USH2A: variants seen among roughly 807,000 people sequenced by gnomAD.
USH2A encodes the protein usherin.
Under a neutral mutation model 538.9 loss-of-function variants are expected in USH2A, and 443 were observed. The observed-to-expected ratio is 0.82, with a 90% CI of 0.76 to 0.89. The LOEUF is 0.89. USH2A is among the 40% of genes least tolerant of loss of function. The probability of loss-of-function intolerance (pLI) is 0.00; values close to 1 mark genes in which losing one functional copy is unlikely to be tolerated. For missense variants in USH2A, 6,633 were observed against 6,324.8 expected, an observed-to-expected ratio of 1.05 and a Z score of -1.65; for synonymous variants, 2,413 against 2,273.5, an observed-to-expected ratio of 1.06 and a Z score of -1.75.
rs1215418294 is a variant in USH2A, at chr1:215,622,906, A to ATATT, written c.*2871_*2874dup. 1 of 152,162 alleles carries ATATT rather than the reference A, an allele frequency of 6.6e-6. No homozygotes were observed. Among genetic ancestry groups the ATATT allele is most frequent in the Non-Finnish European group, 1.5e-5 (1 of 68,006 alleles). The allele number at this position is 152,162 out of a possible 1,614,324, so 9.4% of individuals were successfully genotyped here. On this transcript the variant is annotated 3_prime_UTR_variant, in exon 72 of 72. Transcript: ENST00000307340. ...TAAGCCAGAATTAGGTCACATTCAAATATTTATTAAGCAAACCATCTTTAG... is the reference window on the plus strand; with the variant it reads ...TAAGCCAGAATTAGGTCACATTCAAATATTTATTTATTAAGCAAACCATCTTTAG...
At chr1:215,737,160 G>A (rs76196514) in intron 60 of USH2A, among the ~76,000 whole-genome samples, 1,927 of 151,878 alleles carry the variant, frequency 0.013, 69 homozygotes, top group Admixed American at 0.06. Context: ...ATGTGTGTGG[G>A]CATATATATA....
intron 47 of USH2A, 56 bp from the exon 48 acceptor site, chr1:215,817,251 T>C: frequency 6.4e-7 from 1 of 1,551,716 alleles, no homozygotes; most frequent in East Asian, 2.3e-5. Context: ...ACATTGATGC[T>C]ATCAGTCTTA....
intron 49 of USH2A, among the ~76,000 whole-genome samples, chr1:215,801,687 A>T (rs1336665887): frequency 6.6e-6 from 1 of 152,164 alleles, no homozygotes; most frequent in African/African-American, 2.4e-5. Context: ...AATGTTGTTA[A>T]GGTGCCAGTA....
At chr1:216,066,330 G>A (rs552193123) in intron 30 of USH2A, among the ~76,000 whole-genome samples, 30 of 152,144 alleles carry the variant, frequency 2.0e-4, no homozygotes, top group Non-Finnish European at 3.8e-4. Context: ...AAATTACCCG[G>A]GCGTGGAGGT....
At chr1:215,753,993 AG>A (rs1162993368) in intron 58 of USH2A, among the ~76,000 whole-genome samples, 1 of 152,216 alleles carries the variant, frequency 6.6e-6, no homozygotes. Flanking sequence ...AGCCAAAGAC[AG>A]AAAGGAACTG....
intron 3 of USH2A, among the ~76,000 whole-genome samples, chr1:216,412,297 G>A (rs1039582830): frequency 3.3e-5 from 5 of 151,980 alleles, no homozygotes; most frequent in Non-Finnish European, 7.4e-5. Context: ...TGCAAAAAAC[G>A]TACAGAGAAT....
chr1:215,733,982 G>T (rs374740256), intron 60 of USH2A, among the ~76,000 whole-genome samples: 1 of 152,144 alleles, frequency 6.6e-6, no homozygotes, highest in African/African-American at 2.4e-5. Context: ...AACAGACAGC[G>T]CCCTGATGGA....
intron 35 of USH2A, among the ~76,000 whole-genome samples, chr1:215,988,983 A>T (rs1364468424): frequency 2.0e-5 from 3 of 152,332 alleles, no homozygotes; most frequent in Non-Finnish European, 4.4e-5. Flanking sequence ...TTTAAGTCAG[A>T]ATCAGTTATG....
chr1:216,175,703 A>G (rs1455765285), intron 20 of USH2A, among the ~76,000 whole-genome samples: 1 of 152,170 alleles, frequency 6.6e-6, no homozygotes, highest in African/African-American at 2.4e-5. Flanking sequence ...TACACACAAA[A>G]CTTTCAAATT....
intron 21 of USH2A, among the ~76,000 whole-genome samples, chr1:216,158,844 A>G (rs1053468778): frequency 3.3e-5 from 5 of 152,148 alleles, no homozygotes; most frequent in African/African-American, 9.7e-5. Context: ...ATCCATGAAC[A>G]TGGCGTAACT....
chr1:216,292,291 C>G lies in USH2A; in HGVS notation c.1724G>C (p.Cys575Ser). ...GCTTTTGGAATGGCTGTTGCATTGACAAGGTTTACAATTGAAAGCGTAAAC... is the reference window on the plus strand; with the variant it reads ...GCTTTTGGAATGGCTGTTGCATTGAGAAGGTTTACAATTGAAAGCGTAAAC... ...DQVYAFNCKP[C>S]QCNSHSKSCH... The change falls in exon 10 of 72, where the codon TGT (cysteine) becomes TCT (serine). Residue 575 changes from cysteine (C) to serine (S), a missense_variant. By Grantham distance (112) the Cys-to-Ser change is moderately radical. Coordinates refer to ENST00000307340, the MANE Select transcript of USH2A (RefSeq NM_206933.4). 6.2e-7 allele frequency: 1 copy of G among 1,613,996 alleles called. No individual in the cohort carries two copies. Among genetic ancestry groups the G allele is most frequent in the Non-Finnish European group, 8.5e-7 (1 of 1,179,948 alleles).
chr1:216,107,357 T>C (rs1425113179), intron 21 of USH2A, among the ~76,000 whole-genome samples: 4 of 151,876 alleles, frequency 2.6e-5, no homozygotes, highest in African/African-American at 4.8e-5. Context: ...CTTAATCAAT[T>C]GACTATCATT....
chr1:215,928,572 C>T (rs1666293293), intron 38 of USH2A, among the ~76,000 whole-genome samples: 1 of 152,090 alleles, frequency 6.6e-6, no homozygotes, highest in South Asian at 2.1e-4. Flanking sequence ...TACATTCCAG[C>T]ATACATGCTT....
intron 61 of USH2A, among the ~76,000 whole-genome samples, chr1:215,682,282 G>A (rs1658260380): frequency 1.3e-5 from 2 of 152,258 alleles, no homozygotes; most frequent in South Asian, 4.1e-4. Flanking sequence ...GGGCTGCTGG[G>A]GGACATTTTT....
chr1:215,731,190 C>T (rs1021950521), intron 60 of USH2A, among the ~76,000 whole-genome samples: 4 of 152,112 alleles, frequency 2.6e-5, no homozygotes, highest in African/African-American at 9.7e-5. Flanking sequence ...AATACATATA[C>T]TATTTAAAAG....
At chr1:216,146,215 T>C (rs1197501385) in intron 21 of USH2A, among the ~76,000 whole-genome samples, 4 of 152,222 alleles carry the variant, frequency 2.6e-5, no homozygotes, top group Non-Finnish European at 1.5e-5. Flanking sequence ...CGGCCTTTTT[T>C]ACTCTCTTCT....
intron 61 of USH2A, among the ~76,000 whole-genome samples, chr1:215,723,186 C>A (rs115166596): frequency 6.6e-6 from 1 of 152,102 alleles, no homozygotes; most frequent in African/African-American, 2.4e-5. Flanking sequence ...TTAGAAAGAC[C>A]TACATAGAGA....
intron 3 of USH2A, among the ~76,000 whole-genome samples, chr1:216,416,011 C>T (rs1334634090): frequency 6.6e-6 from 1 of 151,866 alleles, no homozygotes; most frequent in East Asian, 1.9e-4. Context: ...ACTAAAAATA[C>T]AAAAAATTAG....
intron 12 of USH2A, among the ~76,000 whole-genome samples, chr1:216,249,868 G>A (rs181583407): frequency 6.7e-6 from 1 of 149,302 alleles, no homozygotes; most frequent in East Asian, 1.9e-4. Flanking sequence ...AAGCATTCGT[G>A]TGTGTGTGTG....
Sources: gnomAD v4.1 joint callset for allele counts (sites outside exome capture counted in the v4.1 genomes callset) on GRCh38, gnomAD v4.1.1 for gene constraint, MANE v1.5 for transcripts, NCBI Gene and HGNC (gene_info 2026-07-23, HGNC 2026-07-21) for gene names.